PPM1H: variants seen among roughly 807,000 people sequenced by gnomAD.
The protein encoded by PPM1H is protein phosphatase 1H.
In PPM1H, 27 loss-of-function variants were observed where a neutral mutation model predicts 54.9. The ratio of observed to expected loss-of-function variants is 0.49; its 90% confidence interval spans 0.36 to 0.68. PPM1H has a LOEUF of 0.68. Among genes scored for constraint, PPM1H ranks in the 30% least tolerant of loss-of-function variants. PPM1H has a pLI of 0.00. For missense variants in PPM1H, 596 were observed against 667.8 expected (o/e 0.89, Z 1.19); for synonymous variants, 305 against 270.8 (o/e 1.13, Z -1.24).
At chr12:62,737,188 T>G (rs192412664) in intron 5 of PPM1H, among the ~76,000 whole-genome samples, 1 of 147,246 alleles carries the variant, frequency 6.8e-6, no homozygotes, top group Non-Finnish European at 1.5e-5. Flanking sequence ...TTTTCAAAAC[T>G]GCATTTCACA....
intron 6 of PPM1H, among the ~76,000 whole-genome samples, chr12:62,694,377 C>T (rs11838042): frequency 1.5e-4 from 23 of 152,272 alleles, no homozygotes; most frequent in African/African-American, 4.6e-4. Flanking sequence ...GAAACTGCTT[C>T]GAGAGCCAGT....
At chr12:62,908,422 A>AAAAAAAGAAAGAAAG (rs1284923713) in intron 1 of PPM1H, among the ~76,000 whole-genome samples, 1 of 134,176 alleles carries the variant, frequency 7.5e-6, no homozygotes, top group Non-Finnish European at 1.6e-5. Flanking sequence ...AAAAAAAAAA[A>AAAAAAAGAAAGAAAG]AAAGAAAGAA....
At chr12:62,682,245 C>A (rs1294398713) in intron 8 of PPM1H, among the ~76,000 whole-genome samples, 1 of 152,208 alleles carries the variant, frequency 6.6e-6, no homozygotes, top group Non-Finnish European at 1.5e-5. Context: ...TATCATCACT[C>A]TCTTTGTATG....
At chr12:62,800,816 A>G (rs2076763886) in intron 3 of PPM1H, among the ~76,000 whole-genome samples, 1 of 152,198 alleles carries the variant, frequency 6.6e-6, no homozygotes, top group Non-Finnish European at 1.5e-5. Flanking sequence ...GAGCTGGCAT[A>G]GAACAAAGCA....
At chr12:62,711,736 A>C (rs1396010405) in intron 6 of PPM1H, among the ~76,000 whole-genome samples, 1 of 152,152 alleles carries the variant, frequency 6.6e-6, no homozygotes, top group Non-Finnish European at 1.5e-5. Context: ...TAGGACAATA[A>C]ACTTTTACTC....
chr12:62,895,286 A>G (rs1870943608), intron 1 of PPM1H, among the ~76,000 whole-genome samples: 1 of 152,218 alleles, frequency 6.6e-6, no homozygotes, highest in South Asian at 2.1e-4. Flanking sequence ...TTAAGGAGAT[A>G]TCCCCTTTAA....
chr12:62,684,179 C>A (rs1183204499), intron 8 of PPM1H, among the ~76,000 whole-genome samples: 5 of 152,144 alleles, frequency 3.3e-5, no homozygotes, highest in East Asian at 3.9e-4. Flanking sequence ...GCAGAAAAAA[C>A]CAGGCACTGT....
chr12:62,896,808 T>A (rs1293046136), intron 1 of PPM1H, among the ~76,000 whole-genome samples: 1 of 152,162 alleles, frequency 6.6e-6, no homozygotes. Flanking sequence ...CACATATGTT[T>A]ATTGCGGCAC....
intron 4 of PPM1H, among the ~76,000 whole-genome samples, chr12:62,786,027 A>G (rs2076668747): frequency 6.6e-6 from 1 of 152,158 alleles, no homozygotes; most frequent in African/African-American, 2.4e-5. Flanking sequence ...TCCAGGAGCA[A>G]GGCACTCAGT....
chr12:62,792,729 C>G (rs2076707531), intron 3 of PPM1H, among the ~76,000 whole-genome samples: 2 of 152,216 alleles, frequency 1.3e-5, no homozygotes, highest in Admixed American at 1.3e-4. Context: ...CCCCTCCTCC[C>G]TAGAAGCCAA....
At chr12:62,813,409 CT>C (rs1352572413) in intron 2 of PPM1H, among the ~76,000 whole-genome samples, 1 of 152,204 alleles carries the variant, frequency 6.6e-6, no homozygotes. Flanking sequence ...CGGGATGACA[CT>C]GGCGCCCTCG....
chr12:62,802,833 C>CTTGG (rs901817551), intron 2 of PPM1H, among the ~76,000 whole-genome samples: 1 of 152,148 alleles, frequency 6.6e-6, no homozygotes, highest in African/African-American at 2.4e-5. Context: ...ATCCACCCAC[C>CTTGG]TTGGCCTCCT....
intron 4 of PPM1H, among the ~76,000 whole-genome samples, chr12:62,764,240 G>A (rs907636031): frequency 1.1e-4 from 16 of 152,180 alleles, no homozygotes; most frequent in African/African-American, 3.4e-4. Flanking sequence ...AGGATGTGGA[G>A]GCACCGTCTA....
At chr12:62,876,305 A>T (rs1436627303) in intron 1 of PPM1H, among the ~76,000 whole-genome samples, 1 of 152,224 alleles carries the variant, frequency 6.6e-6, no homozygotes, top group Non-Finnish European at 1.5e-5. Context: ...GCAGACAAGT[A>T]TGCTTAGTAT....
chr12:62,679,019 GCT>G (rs2136625768), intron 8 of PPM1H, among the ~76,000 whole-genome samples: 1 of 151,938 alleles, frequency 6.6e-6, no homozygotes, highest in East Asian at 1.9e-4. Context: ...ACAGAGTCTC[GCT>G]CTGTCGCCAG....
At chr12:62,672,600 A>C (rs943834628) in intron 8 of PPM1H, among the ~76,000 whole-genome samples, 2 of 152,176 alleles carry the variant, frequency 1.3e-5, no homozygotes, top group African/African-American at 4.8e-5. Context: ...GGTGGGGGGA[A>C]TCTCACCTTG....
chr12:62,841,139 T>C (rs1407265558), intron 1 of PPM1H, among the ~76,000 whole-genome samples: 1 of 151,926 alleles, frequency 6.6e-6, no homozygotes, highest in East Asian at 1.9e-4. Flanking sequence ...AAACAAGTCT[T>C]GGTGGTGGGG....
At chr12:62,755,704 G>A (rs1289844809) in intron 4 of PPM1H, 2 of 688,766 alleles carry the variant, frequency 2.9e-6, no homozygotes, top group Admixed American at 4.2e-5. Context: ...AGTGCCTCTG[G>A]CCAAGGTTAT....
chr12:62,916,779 A>G (rs1871638277), intron 1 of PPM1H, among the ~76,000 whole-genome samples: 2 of 152,190 alleles, frequency 1.3e-5, no homozygotes, highest in Non-Finnish European at 2.9e-5. Flanking sequence ...AAGAATATTC[A>G]AAAGCACATT....
Sources: allele counts gnomAD v4.1 joint callset (sites outside exome capture counted in the v4.1 genomes callset), GRCh38; gene constraint gnomAD v4.1.1; transcripts MANE v1.5; gene names NCBI Gene and HGNC (gene_info 2026-07-23, HGNC 2026-07-21).